Variants in NTNG1 observed in about 807,000 individuals in gnomAD.
NTNG1 encodes netrin-G1.
A neutral mutation model predicts 54.0 loss-of-function variants in NTNG1; 16 were observed. The observed-to-expected ratio is 0.30, with a 90% confidence interval of 0.20 to 0.45. The LOEUF (loss-of-function observed/expected upper bound fraction) is 0.45. Among genes scored for constraint, NTNG1 ranks in the 20% least tolerant of loss-of-function variants. NTNG1 has a pLI of 1.00. For missense variants in NTNG1, 530 were observed against 678.7 expected (o/e 0.78, Z 2.43); for synonymous variants, 255 against 263.1 (o/e 0.97, Z 0.30).
chr1:107,230,039 A>G (rs556056539), intron 2 of NTNG1, among the ~76,000 whole-genome samples: 1 of 152,302 alleles, frequency 6.6e-6, no homozygotes, highest in African/African-American at 2.4e-5. Context: ...GACTGGTTCT[A>G]GAATTCTTCA....
At chr1:107,452,911 A>T (rs1676709005) in intron 7 of NTNG1, among the ~76,000 whole-genome samples, 1 of 152,228 alleles carries the variant, frequency 6.6e-6, no homozygotes, top group Non-Finnish European at 1.5e-5. Context: ...AAGAATTGAA[A>T]GTCCATCCTT....
At chr1:107,339,109 G>A (rs1295439648) in intron 3 of NTNG1, among the ~76,000 whole-genome samples, 1 of 151,918 alleles carries the variant, frequency 6.6e-6, no homozygotes, top group African/African-American at 2.4e-5. Flanking sequence ...TGCCCACCTG[G>A]CTGATTATGG....
intron 3 of NTNG1, among the ~76,000 whole-genome samples, chr1:107,337,503 T>A (rs1209960865): frequency 6.6e-6 from 1 of 151,952 alleles, no homozygotes; most frequent in Non-Finnish European, 1.5e-5. Context: ...AAAGTTTCAG[T>A]TAGGGAAGAT....
At chr1:107,193,990 C>T (rs1353343268) in intron 2 of NTNG1, among the ~76,000 whole-genome samples, 1 of 151,966 alleles carries the variant, frequency 6.6e-6, no homozygotes, top group South Asian at 2.1e-4. Context: ...AATTCTTGCC[C>T]AGGATTTTAT....
At chr1:107,354,671 G>A (rs1026149278) in intron 3 of NTNG1, among the ~76,000 whole-genome samples, 1 of 151,820 alleles carries the variant, frequency 6.6e-6, no homozygotes, top group African/African-American at 2.4e-5. Flanking sequence ...TGCATGACAG[G>A]GACCCTCTCC....
chr1:107,463,463 C>T lies in NTNG1; in HGVS notation c.1391-17148C>T, dbSNP rs143078317. On this transcript the variant is annotated intron_variant, in intron 7 of 7. Coordinates refer to ENST00000370068, the MANE Select transcript of NTNG1 (RefSeq NM_001113226.3). ...TGTAATTCTTTACTGGCTGAATTGTCAAAATTTTCATCTTATTAGTTATGT... is the reference window on the plus strand; with the variant it reads ...TGTAATTCTTTACTGGCTGAATTGTTAAAATTTTCATCTTATTAGTTATGT... Among the ~76,000 whole-genome samples, 32 of 150,746 alleles carry T rather than the reference C, an allele frequency of 2.1e-4. No homozygotes were observed. In the East Asian group the frequency reaches 6.2e-3, roughly 29 times the overall value.
At chr1:107,395,112 C>T (rs369847045) in intron 3 of NTNG1, 42 bp from the exon 4 acceptor site, 1 of 1,569,882 alleles carries the variant, frequency 6.4e-7, no homozygotes, top group Non-Finnish European at 8.7e-7. Context: ...TCACCAAGAC[C>T]AACTTATCTG....
chr1:107,438,403 G>A (rs1675744291), intron 7 of NTNG1, among the ~76,000 whole-genome samples: 1 of 152,182 alleles, frequency 6.6e-6, no homozygotes, highest in African/African-American at 2.4e-5. Context: ...TTTCCAGAAA[G>A]TGCTAGTCCT....
At chr1:107,177,269 G>T (rs955817412) in intron 2 of NTNG1, among the ~76,000 whole-genome samples, 1 of 151,940 alleles carries the variant, frequency 6.6e-6, no homozygotes, top group Non-Finnish European at 1.5e-5. Context: ...AAATGAGAGA[G>T]TACAGAAGAG....
chr1:107,410,394 G>A (rs971262318), intron 5 of NTNG1: 20 of 152,190 alleles, frequency 1.3e-4, no homozygotes, highest in Admixed American at 5.9e-4. Flanking sequence ...TGCTAAAAAT[G>A]TTTTTGAAAC....
chr1:107,480,583 C>CA, intron 7 of NTNG1, 28 bp from the exon 8 acceptor site: 2 of 744,750 alleles, frequency 2.7e-6, no homozygotes, highest in Admixed American at 2.2e-5. Flanking sequence ...CGCGCCCACC[C>CA]ACCCCTACCT....
intron 1 of NTNG1, among the ~76,000 whole-genome samples, chr1:107,146,310 G>A (rs1179425428): frequency 2.6e-5 from 4 of 151,752 alleles, no homozygotes; most frequent in South Asian, 4.2e-4. Flanking sequence ...TCCATCCCCC[G>A]GCCCTTTGGA....
chr1:107,166,821 A>G (rs1296656075), intron 2 of NTNG1, among the ~76,000 whole-genome samples: 1 of 152,106 alleles, frequency 6.6e-6, no homozygotes, highest in East Asian at 1.9e-4. Flanking sequence ...AACGTTCTAG[A>G]GATATGAGAC....
chr1:107,159,192 T>C (rs567746074), intron 2 of NTNG1, among the ~76,000 whole-genome samples: 2 of 152,294 alleles, frequency 1.3e-5, no homozygotes, highest in South Asian at 2.1e-4. Flanking sequence ...AGGTTGGTTG[T>C]TGATGCCTGG....
At chr1:107,358,265 A>T (rs1670058117) in intron 3 of NTNG1, among the ~76,000 whole-genome samples, 1 of 152,110 alleles carries the variant, frequency 6.6e-6, no homozygotes, top group Non-Finnish European at 1.5e-5. Context: ...TACTTGAGTT[A>T]TTTTAAAAAT....
At chr1:107,395,956 G>C (rs1672657422) in intron 4 of NTNG1, among the ~76,000 whole-genome samples, 2 of 152,206 alleles carry the variant, frequency 1.3e-5, no homozygotes, top group African/African-American at 4.8e-5. Flanking sequence ...GCATGTGAAA[G>C]AGTGCAAGCA....
At chr1:107,391,364 C>A (rs1672348398) in intron 3 of NTNG1, among the ~76,000 whole-genome samples, 1 of 152,080 alleles carries the variant, frequency 6.6e-6, no homozygotes, top group Non-Finnish European at 1.5e-5. Context: ...TAGAGAGGGG[C>A]ATGCCTGGAG....
At chr1:107,154,740 A>G (rs985227319) in intron 2 of NTNG1, among the ~76,000 whole-genome samples, 1 of 151,176 alleles carries the variant, frequency 6.6e-6, no homozygotes, top group African/African-American at 2.4e-5. Flanking sequence ...ACAAAATAAT[A>G]AAGAACCTGA....
chr1:107,444,409 G>A (rs1324493482), intron 7 of NTNG1, among the ~76,000 whole-genome samples: 1 of 152,106 alleles, frequency 6.6e-6, no homozygotes, highest in South Asian at 2.1e-4. Flanking sequence ...TGTTCTGAAT[G>A]TACTCCACAG....
Sources: gnomAD v4.1 joint callset for allele counts (sites outside exome capture counted in the v4.1 genomes callset) on GRCh38, gnomAD v4.1.1 for gene constraint, MANE v1.5 for transcripts, NCBI Gene and HGNC (gene_info 2026-07-23, HGNC 2026-07-21) for gene names.